The following NRN1 variants were observed in gnomAD, a reference collection of about 807,000 sequenced individuals.
NRN1 encodes neuritin 1.
In NRN1, 4 loss-of-function variants were observed where a neutral mutation model predicts 15.0. That is an observed-to-expected ratio of 0.27 (90% CI 0.13 to 0.61). NRN1 has a LOEUF of 0.61. Among genes scored for constraint, NRN1 ranks in the 20% least tolerant of loss-of-function variants. The pLI is 0.87. For synonymous variants in NRN1, 85 were observed against 79.8 expected, an observed-to-expected ratio of 1.07 and a Z score of -0.35; for missense variants, 134 against 181.9, an observed-to-expected ratio of 0.74 and a Z score of 1.51.
Position 5,999,150 on chromosome 6 carries a change from T to G in NRN1, c.255A>C (p.Glu85Asp). 6.2e-7 allele frequency: 1 copy of G among 1,614,156 alleles called. No homozygotes were observed. The highest frequency in any genetic ancestry group is 1.3e-5 in the African/African-American group (1 of 75,082). The change falls in exon 3 of 3, where the codon GAA becomes GAC. Residue 85 changes from glutamate to aspartate, a missense_variant. Transcript: ENST00000244766. ...GTTTATCCCACATATCTTTCGCCCCTTCCTGGCAATCCGTAAGGGCTGTGA... is the reference window on the plus strand; with the variant it reads ...GTTTATCCCACATATCTTTCGCCCCGTCCTGGCAATCCGTAAGGGCTGTGA... Reference protein sequence around the residue: ...CTVTALTDCQEGAKDMWDKLR... With the variant: ...CTVTALTDCQDGAKDMWDKLR...
At chr6:6,003,311 G>C in intron 1 of NRN1, 1 of 1,176,916 alleles carries the variant, frequency 8.5e-7, no homozygotes, top group Non-Finnish European at 1.1e-6. Context: ...CGGGGTCACG[G>C]ATGAGTCTGC....
At chr6:6,002,892 A>G (rs1459341491) in intron 1 of NRN1, 1 of 378,596 alleles carries the variant, frequency 2.6e-6, no homozygotes, top group Non-Finnish European at 4.7e-6. Flanking sequence ...TTCCCCAGCA[A>G]GCCCTGTCAC....
rs1758122798 is a variant in NRN1, at chr6:6,006,827, T to C, written c.-78A>G. ...GAGAACGCGGGGGAAAGCCAAAAAA[T>C]AGGCATTGCCAACAAGTTCCGGGAG... On this transcript the variant is annotated 5_prime_UTR_variant, in exon 1 of 3. Transcript: ENST00000244766. 4.5e-6 allele frequency: 6 copies of C among 1,341,348 alleles called. No homozygotes were observed. The highest frequency in any genetic ancestry group is 6.4e-6 in the Non-Finnish European group (6 of 932,312). 83.1% of individuals were successfully genotyped at this position (1,341,348 alleles called of 1,614,324 possible).
At chr6:6,003,732 T>A in intron 1 of NRN1, 1 of 1,234,274 alleles carries the variant, frequency 8.1e-7, no homozygotes. Context: ...TGTGGCCATC[T>A]CTTTCCGCCC....
intron 2 of NRN1, among the ~76,000 whole-genome samples, chr6:6,000,005 C>A (rs895465686): frequency 2.0e-5 from 3 of 152,204 alleles, no homozygotes; most frequent in Admixed American, 2.0e-4. Context: ...TCTGCTCTTG[C>A]GAATCCAAGT....
At chr6:6,002,087 T>C (rs1039823386) in intron 2 of NRN1, among the ~76,000 whole-genome samples, 8 of 152,220 alleles carry the variant, frequency 5.3e-5, no homozygotes, top group African/African-American at 1.4e-4. Context: ...TGTGCAAGCC[T>C]GAGAGGCCGC....
chr6:5,999,110 T>G lies in NRN1; in HGVS notation c.295A>C (p.Lys99Gln), dbSNP rs755229363. 6 of 1,614,064 alleles carry G rather than the reference T, an allele frequency of 3.7e-6. No individual in the cohort carries two copies. The highest frequency in any genetic ancestry group is 5.1e-6 in the Non-Finnish European group (6 of 1,180,024). Reference protein sequence around the residue: ...DMWDKLRKESKNLNIQGSLFE... With the variant: ...DMWDKLRKESQNLNIQGSLFE... Reference sequence around the variant, plus strand: ...AAGCTGCCTTGGATGTTGAGGTTTTTGGATTCTTTTCTCAGTTTATCCCAC... The same window carrying G: ...AAGCTGCCTTGGATGTTGAGGTTTTGGGATTCTTTTCTCAGTTTATCCCAC... The change falls in exon 3 of 3, where the codon AAA becomes CAA. Residue 99 changes from lysine (K) to glutamine (Q), a missense_variant. By Grantham distance (53) the Lys-to-Gln change is moderately conservative (BLOSUM62 1). Transcript: ENST00000244766.
At chr6:6,003,387 C>T (rs1758017606) in intron 1 of NRN1, 2 of 546,608 alleles carry the variant, frequency 3.7e-6, no homozygotes, top group Non-Finnish European at 2.8e-6. Context: ...CTCCCCTGTC[C>T]GCCACTCGGC....
chr6:6,005,398 A>G (rs1758081212), intron 1 of NRN1, among the ~76,000 whole-genome samples: 1 of 152,226 alleles, frequency 6.6e-6, no homozygotes, highest in Non-Finnish European at 1.5e-5. Context: ...TTGGAACTAA[A>G]GGAAAACACC....
intron 1 of NRN1, 95 bp downstream of exon 1, chr6:6,006,600 G>C (rs1758115972): frequency 8.5e-7 from 1 of 1,182,464 alleles, no homozygotes; most frequent in Non-Finnish European, 1.3e-6. Flanking sequence ...CCGCACCCTG[G>C]GGCGGCCGCG....
chr6:6,003,928 G>T (rs553398723), intron 1 of NRN1: 3 of 1,228,698 alleles, frequency 2.4e-6, no homozygotes, highest in South Asian at 4.3e-5. Flanking sequence ...TGGCGGCTGC[G>T]CTTGTGTGTG....
Position 6,006,609 on chromosome 6 carries a change from C to A in NRN1, c.55+86G>T, listed in dbSNP as rs1758116361. 9 of 1,351,262 alleles carry A rather than the reference C, an allele frequency of 6.7e-6. 1 individual carries two copies. The South Asian group carries it at 1.1e-4, about 16-fold the overall frequency. The allele number at this position is 1,351,262 out of a possible 1,614,324, so 83.7% of individuals were successfully genotyped here. On this transcript the variant is annotated intron_variant, in intron 1 of 2. Coordinates refer to ENST00000244766, the MANE Select transcript of NRN1 (RefSeq NM_016588.3). ...GCTTCTCCGCACCCTGGGGCGGCCG[C>A]GGACCCGCTAGTCCCCCTCCGCGCC...
intron 2 of NRN1, among the ~76,000 whole-genome samples, chr6:6,000,273 C>T (rs975787495): frequency 6.6e-6 from 1 of 152,222 alleles, no homozygotes; most frequent in Admixed American, 6.5e-5. Context: ...CTCCTAGACC[C>T]ACCCCCACAA....
chr6:6,006,448 G>GA (rs1332217182), intron 1 of NRN1, among the ~76,000 whole-genome samples: 1 of 152,138 alleles, frequency 6.6e-6, no homozygotes, highest in African/African-American at 2.4e-5. Flanking sequence ...GAAAAAGGGG[G>GA]AAAAAAACCG....
intron 1 of NRN1, among the ~76,000 whole-genome samples, chr6:6,004,339 C>T (rs1002737508): frequency 8.5e-5 from 13 of 152,212 alleles, no homozygotes; most frequent in African/African-American, 3.1e-4. Flanking sequence ...ACATCTTCCT[C>T]TATAACGCAT....
At chr6:6,003,891 G>A in intron 1 of NRN1, 1 of 1,230,782 alleles carries the variant, frequency 8.1e-7, no homozygotes, top group Non-Finnish European at 1.0e-6. Flanking sequence ...ACGACCCTGG[G>A]CGCCGGCCTG....
At chr6:6,003,976 GC>G (rs1287143668) in intron 1 of NRN1, 5 of 1,219,892 alleles carry the variant, frequency 4.1e-6, no homozygotes, top group Middle Eastern at 3.1e-4. Flanking sequence ...CAATCCCCCG[GC>G]CCCCAACGCG....
intron 2 of NRN1, among the ~76,000 whole-genome samples, chr6:5,999,659 G>A (rs971164804): frequency 1.3e-5 from 2 of 152,190 alleles, no homozygotes; most frequent in Non-Finnish European, 2.9e-5. Flanking sequence ...TCCCCTCGGG[G>A]CTTCTTACAT....
chr6:6,003,644 C>T (rs1272562261), intron 1 of NRN1: 7 of 1,163,520 alleles, frequency 6.0e-6, no homozygotes, highest in African/African-American at 1.6e-5. Flanking sequence ...CCCCAAGCCC[C>T]CAAGCCCCCG....
Sources: allele counts gnomAD v4.1 joint callset (sites outside exome capture counted in the v4.1 genomes callset), GRCh38; gene constraint gnomAD v4.1.1; transcripts MANE v1.5; gene names NCBI Gene and HGNC (gene_info 2026-07-23, HGNC 2026-07-21).